The following CSDE1 variants were observed in gnomAD, a reference collection of about 807,000 sequenced individuals.
CSDE1 encodes the protein cold shock domain-containing protein E1.
A neutral mutation model predicts 89.3 loss-of-function variants in CSDE1; 17 were observed. The ratio of observed to expected loss-of-function variants is 0.19; its 90% confidence interval spans 0.13 to 0.29. The LOEUF (loss-of-function observed/expected upper bound fraction) is 0.29, where lower values mean the gene tolerates loss of function less well. CSDE1 is among the 10% of genes least tolerant of loss of function. CSDE1 has a pLI of 1.00. For missense variants in CSDE1, 672 were observed against 984.2 expected (o/e 0.68, Z 4.24); for synonymous variants, 322 against 332.8 (o/e 0.97, Z 0.35).
chr1:114,734,516 C>T lies in CSDE1; in HGVS notation c.508G>A (p.Ala170Thr), dbSNP rs201905642. The change falls in exon 7 of 20, where the codon GCT (alanine) becomes ACT (threonine). Residue 170 changes from alanine to threonine, a missense_variant. Ala to Thr is a moderately conservative substitution (Grantham distance 58, BLOSUM62 0). Coordinates refer to ENST00000358528, the MANE Select transcript of CSDE1 (RefSeq NM_001007553.3). Reference sequence around the variant, plus strand: ...AGCATAATGTTGCGAGCACTTACAGCACCAGTACTAGAAAAAAAATAATTG... The same window carrying T: ...AGCATAATGTTGCGAGCACTTACAGTACCAGTACTAGAAAAAAAATAATTG... ...FVIDNNKHTG[A>T]VSARNIMLLK... The T allele has an allele frequency of 1.9e-6, 3 of 1,609,680 alleles. No homozygotes were observed. The highest frequency in any genetic ancestry group is 4.5e-5 in the East Asian group (2 of 44,768).
chr1:114,736,687 A>G (rs1660420152), intron 6 of CSDE1, 71 bp downstream of exon 6: 1 of 900,338 alleles, frequency 1.1e-6, no homozygotes, highest in South Asian at 1.5e-5. Context: ...TTTTAACTCT[A>G]TTCAAATTTC....
chr1:114,756,297 TC>T (rs1383015041), intron 1 of CSDE1, among the ~76,000 whole-genome samples: 1 of 152,160 alleles, frequency 6.6e-6, no homozygotes, highest in East Asian at 1.9e-4. Context: ...ACTATTACCT[TC>T]TCTTTTATTT....
At chr1:114,728,379 T>C (rs1659911980) in intron 12 of CSDE1, among the ~76,000 whole-genome samples, 1 of 152,128 alleles carries the variant, frequency 6.6e-6, no homozygotes, top group Non-Finnish European at 1.5e-5. Context: ...CAGCTGACAA[T>C]ATACTATACA....
At chr1:114,719,791 C>A in intron 17 of CSDE1, 49 bp from the exon 18 acceptor site, 1 of 1,541,736 alleles carries the variant, frequency 6.5e-7, no homozygotes, top group South Asian at 1.2e-5. Context: ...ACACCTCACT[C>A]TGAATGAAGC....
chr1:114,741,217 T>C (rs760181050), intron 2 of CSDE1, among the ~76,000 whole-genome samples: 40 of 152,204 alleles, frequency 2.6e-4, no homozygotes, highest in Non-Finnish European at 5.1e-4. Flanking sequence ...ACCAAGAAGG[T>C]CTGGCTGTAA....
Position 114,753,008 on chromosome 1 carries a change from A to C in CSDE1, c.-387-2801T>G, listed in dbSNP as rs141055222. ...CAAAAGGACGCCACAATTCAAGTGT[A>C]AACAGTTATGCCACAATTCAAGTGT... On this transcript the variant is annotated intron_variant, in intron 1 of 19. Transcript: ENST00000358528. 7.9e-3 allele frequency among the ~76,000 whole-genome samples: 1,198 copies of C among 152,334 alleles called. 52 individuals are homozygous for C. The highest frequency in any genetic ancestry group is 0.072 in the Admixed American group (1,103 of 15,302).
chr1:114,723,134 G>C (rs1280790653), intron 16 of CSDE1, among the ~76,000 whole-genome samples: 1 of 152,182 alleles, frequency 6.6e-6, no homozygotes, highest in East Asian at 1.9e-4. Context: ...TGGGATTACA[G>C]GCGTGAACCA....
In CSDE1 at chr1:114,718,760, A is replaced by G; in HGVS notation, c.2217-15T>C. The G allele has an allele frequency of 6.2e-7, 1 of 1,612,724 alleles. No homozygotes were observed. The highest frequency in any genetic ancestry group is 1.1e-5 in the South Asian group (1 of 90,848). On this transcript the variant is annotated splice_polypyrimidine_tract_variant and intron_variant, in intron 18 of 19. Coordinates refer to ENST00000358528, the MANE Select transcript of CSDE1 (RefSeq NM_001007553.3). ...TGGGGCCCTCACTGTAATTAAGTCA[A>G]AAGATGAGAAGAAACCACACTTGGT...
intron 2 of CSDE1, among the ~76,000 whole-genome samples, chr1:114,743,329 C>T (rs1218141810): frequency 1.3e-5 from 2 of 152,066 alleles, no homozygotes; most frequent in African/African-American, 4.8e-5. Flanking sequence ...GTAGCTGGGA[C>T]TACAGGTGTG....
intron 1 of CSDE1, among the ~76,000 whole-genome samples, chr1:114,755,830 C>G (rs1389306127): frequency 6.6e-6 from 1 of 152,186 alleles, no homozygotes; most frequent in African/African-American, 2.4e-5. Flanking sequence ...AAAAATCTGT[C>G]CAAAAGAACA....
chr1:114,730,764 A>C, intron 10 of CSDE1, 116 bp from the exon 11 acceptor site: 1 of 1,185,886 alleles, frequency 8.4e-7, no homozygotes, highest in Non-Finnish European at 1.2e-6. Flanking sequence ...TGACACAAAT[A>C]CTGTATCCAC....
intron 6 of CSDE1, among the ~76,000 whole-genome samples, chr1:114,736,067 A>G (rs148198686): frequency 0.013 from 2,006 of 152,288 alleles, 27 homozygotes; most frequent in Middle Eastern, 0.054. Flanking sequence ...TCATCTGCCC[A>G]GTAGGCCAGG....
In CSDE1 at chr1:114,727,062, T is replaced by C; in HGVS notation, c.1385A>G (p.Asp462Gly). The C allele has an allele frequency of 1.2e-6, 2 of 1,613,632 alleles. No individual in the cohort carries two copies. Among genetic ancestry groups the C allele is most frequent in the Non-Finnish European group, 1.7e-6 (2 of 1,179,656 alleles). Reference protein sequence around the residue: ...KEAEDGIIAYDDCGVKLTIAF... With the variant: ...KEAEDGIIAYGDCGVKLTIAF... ...AATAGTCAGTTTCACCCCACAGTCA[T>C]CATAAGCAATAATGCCATCCTCAGC... Residue 462 changes from aspartate (D) to glycine (G), a missense_variant, in exon 13 of 20, where the codon GAT becomes GGT. Around this residue, in one of 8 missense-constraint regions of CSDE1, gnomAD observed 108 missense variants for 105.0 expected, o/e 1.03. Coordinates refer to ENST00000358528, the MANE Select transcript of CSDE1 (RefSeq NM_001007553.3).
In CSDE1 at chr1:114,730,284, T is replaced by C. The variant is rs773944665; in HGVS notation, c.1330A>G (p.Thr444Ala). The C allele has an allele frequency of 6.2e-7, 1 of 1,613,920 alleles. No individual in the cohort carries two copies. Among genetic ancestry groups the C allele is most frequent in the East Asian group, 2.2e-5 (1 of 44,870 alleles). Reference sequence around the variant, plus strand: ...TTCTCTTTGCCTTTATTTGGGCTAGTGGTTTTAGGATTGGAAAAAGTGGCT... The same window carrying C: ...TTCTCTTTGCCTTTATTTGGGCTAGCGGTTTTAGGATTGGAAAAAGTGGCT... Reference protein sequence around the residue: ...KEATFSNPKTTSPNKGKEKEA... With the variant: ...KEATFSNPKTASPNKGKEKEA... Residue 444 changes from threonine (T) to alanine (A), a missense_variant, in exon 12 of 20, where the codon ACT (threonine) becomes GCT (alanine). Thr to Ala is a moderately conservative substitution (Grantham distance 58). Around this residue, in one of 8 missense-constraint regions of CSDE1, gnomAD observed 108 missense variants for 105.0 expected, o/e 1.03. Transcript: ENST00000358528.
At chr1:114,754,595 A>T (rs1661489678) in intron 1 of CSDE1, among the ~76,000 whole-genome samples, 1 of 152,242 alleles carries the variant, frequency 6.6e-6, no homozygotes, top group Non-Finnish European at 1.5e-5. Flanking sequence ...CATAGGACTG[A>T]AAAGTTTCTC....
intron 3 of CSDE1, 72 bp downstream of exon 3, chr1:114,739,620 C>T: frequency 7.6e-7 from 1 of 1,312,014 alleles, no homozygotes; most frequent in Non-Finnish European, 1.1e-6. Flanking sequence ...TTTTGAAAAA[C>T]ACTCATGAAC....
intron 1 of CSDE1, among the ~76,000 whole-genome samples, chr1:114,753,678 C>T (rs561071861): frequency 6.6e-6 from 1 of 152,116 alleles, no homozygotes; most frequent in South Asian, 2.1e-4. Flanking sequence ...AGCACTGTGG[C>T]AGGCCAAGGT....
At position 114,736,755 on chromosome 1, in the gene CSDE1, T is replaced by C. The variant is rs761188573; in HGVS notation, c.500+3A>G. ...TGAGAAAATTTAAAAAAAAAGAACT[T>C]ACTGTTTATTGTTATCAATTACAAA... On this transcript the variant is annotated splice_donor_region_variant and intron_variant, in intron 6 of 19. Coordinates refer to ENST00000358528, the MANE Select transcript of CSDE1 (RefSeq NM_001007553.3). The C allele has an allele frequency of 5.7e-6, 9 of 1,588,984 alleles. No individual in the cohort carries two copies. The East Asian group carries it at 8.9e-5, about 16-fold the overall frequency.
chr1:114,748,982 CTTTCA>C (rs2101081596), intron 2 of CSDE1, among the ~76,000 whole-genome samples: 2 of 152,320 alleles, frequency 1.3e-5, no homozygotes, highest in South Asian at 4.1e-4. Context: ...GCAAACTTCC[CTTTCA>C]TAACTCTCCC....
Sources: allele counts gnomAD v4.1 joint callset (sites outside exome capture counted in the v4.1 genomes callset), GRCh38; gene constraint gnomAD v4.1.1; regional missense constraint gnomAD v4.1.1; transcripts MANE v1.5; gene names NCBI Gene and HGNC (gene_info 2026-07-23, HGNC 2026-07-21).